FZD8: variants seen among roughly 807,000 people sequenced by gnomAD.
FZD8 encodes frizzled-8.
FZD8 carries 18 observed loss-of-function variants against 46.0 expected under a neutral mutation model. The ratio of observed to expected loss-of-function variants is 0.39; its 90% CI spans 0.27 to 0.58. The LOEUF is 0.58. Among genes scored for constraint, FZD8 ranks in the 20% least tolerant of loss-of-function variants. The pLI is 0.55. For missense variants in FZD8, 785 were observed against 983.4 expected (o/e 0.80, Z 2.70); for synonymous variants, 586 against 467.9 (o/e 1.25, Z -3.26).
Position 35,640,122 on chromosome 10 carries a change from G to A in FZD8, c.1308C>T (p.Gly436=). The change falls in exon 1 of 1, where the codon GGC becomes GGT. Residue 436 remains glycine (G), a synonymous_variant. Transcript: ENST00000374694. ...GMKWGNEAIA[G]YSQYFHLAAW... is the part of the protein sequence containing the mutation. ...CGGCCAGGTGGAAGTACTGCGAGTAGCCGGCGATGGCTTCGTTGCCCCACT... is the reference window on the plus strand; with the variant it reads ...CGGCCAGGTGGAAGTACTGCGAGTAACCGGCGATGGCTTCGTTGCCCCACT... 1 of 1,612,942 alleles carries A rather than the reference G, an allele frequency of 6.2e-7. No individual in the cohort carries two copies. Among genetic ancestry groups the A allele is most frequent in the Non-Finnish European group, 8.5e-7 (1 of 1,179,812 alleles).
chr10:35,640,154 C>G lies in FZD8; in HGVS notation c.1276G>C (p.Gly426Arg). Reference protein sequence around the residue: ...ILSLTWFLAAGMKWGNEAIAG... With the variant: ...ILSLTWFLAARMKWGNEAIAG... Reference sequence around the variant, plus strand: ...ATGGCTTCGTTGCCCCACTTCATACCGGCCGCCAGGAACCATGTGAGCGAC... The same window carrying G: ...ATGGCTTCGTTGCCCCACTTCATACGGGCCGCCAGGAACCATGTGAGCGAC... The change falls in exon 1 of 1, where the codon GGT (glycine) becomes CGT (arginine). Residue 426 changes from glycine to arginine, a missense_variant. Gly to Arg is a moderately radical substitution (Grantham distance 125). Transcript: ENST00000374694. The G allele has an allele frequency of 6.2e-7, 1 of 1,613,290 alleles. No homozygotes were observed. Among genetic ancestry groups the G allele is most frequent in the Non-Finnish European group, 8.5e-7 (1 of 1,179,862 alleles).
At position 35,640,056 on chromosome 10, in the gene FZD8, C is replaced by T. The variant is rs1835829122; in HGVS notation, c.1374G>A (p.Ala458=). Residue 458 remains alanine (A), a synonymous_variant, in exon 1 of 1, where the codon GCG becomes GCA. Transcript: ENST00000374694. The stretch of plus-strand genomic sequence containing the variant: ...CCGGGTCGCCGTCCACCGAGCTGAG[C>T]GCCAGCACCGCGATGGACTTGACGC... ...VPSVKSIAVL[A]LSSVDGDPVA... 1.2e-6 allele frequency: 2 copies of T among 1,610,536 alleles called. No individual in the cohort carries two copies. The highest frequency in any genetic ancestry group is 1.7e-6 in the Non-Finnish European group (2 of 1,179,602).
At position 35,641,386 on chromosome 10, in the gene FZD8, G is replaced by A. The variant is rs1473805767; in HGVS notation, c.44C>T (p.Ala15Val). Residue 15 changes from alanine (A) to valine (V), a missense_variant, in exon 1 of 1, where the codon GCC (alanine) becomes GTC (valine). By Grantham distance (64) the Ala-to-Val change is moderately conservative. Around this residue, in one of 5 missense-constraint regions of FZD8, gnomAD observed 354 missense variants for 433.2 expected, o/e 0.82. Transcript: ENST00000374694. The surrounding 1 kb of genome is among the most constrained non-coding windows in gnomAD (Gnocchi z 6.3). ...YLLEVTSLLA[A>V]LALLQRSSGA... ...GCTAGAGCGCTGCAGCAGCGCCAAG[G>A]CGGCCAGCAGCGAGGTCACTTCCAA... 6.2e-7 allele frequency: 1 copy of A among 1,612,394 alleles called. No homozygotes were observed. The highest frequency in any genetic ancestry group is 8.5e-7 in the Non-Finnish European group (1 of 1,179,600).
At position 35,640,977 on chromosome 10, in the gene FZD8, G is replaced by A. The variant is rs1216860327; in HGVS notation, c.453C>T (p.Tyr151=). 1 of 1,597,142 alleles carries A rather than the reference G, an allele frequency of 6.3e-7. No individual in the cohort carries two copies. Among genetic ancestry groups the A allele is most frequent in the Non-Finnish European group, 8.5e-7 (1 of 1,173,310 alleles). The change falls in exon 1 of 1, where the codon TAC becomes TAT. Residue 151 remains tyrosine (Y), a synonymous_variant. Coordinates refer to ENST00000374694, the MANE Select transcript of FZD8 (RefSeq NM_031866.3). The part of the protein sequence containing the change: ...QGNPDTLCMD[Y]NRTDLTTAAP... ...CGGCGGTGGTTAGGTCGGTGCGGTT[G>A]TAGTCCATGCACAGCGTGTCAGGGT...
rs1314420317 is a variant in FZD8, at chr10:35,638,400, G to C, written c.*945C>G. 2 of 116,496 alleles carry C rather than the reference G, an allele frequency of 1.7e-5. No individual in the cohort carries two copies. The highest frequency in any genetic ancestry group is 6.3e-5 in the African/African-American group (2 of 31,780). 7.2% of individuals were successfully genotyped at this position (116,496 alleles called of 1,614,324 possible). ...GCTCCCATGAAAAACACCGTCTTTGGGGAAGGTGCAAAAACTCAATTTTGA... is the reference window on the plus strand; with the variant it reads ...GCTCCCATGAAAAACACCGTCTTTGCGGAAGGTGCAAAAACTCAATTTTGA... On this transcript the variant is annotated 3_prime_UTR_variant, in exon 1 of 1. Transcript: ENST00000374694.
At position 35,639,341 on chromosome 10, in the gene FZD8, C is replaced by A. The variant is rs1235470608; in HGVS notation, c.*4G>T. The A allele has an allele frequency of 1.4e-6, 2 of 1,411,736 alleles. No homozygotes were observed. The highest frequency in any genetic ancestry group is 1.5e-5 in the African/African-American group (1 of 67,250). The allele number at this position is 1,411,736 out of a possible 1,614,324, so 87.5% of individuals were successfully genotyped here. A position where few individuals can be genotyped will look rare whatever the true frequency, so the allele number is the denominator to read the frequency against. On this transcript the variant is annotated 3_prime_UTR_variant, in exon 1 of 1. Coordinates refer to ENST00000374694, the MANE Select transcript of FZD8 (RefSeq NM_031866.3). ...ACCCCTCCTGGGCGCCCCCTCCCCT[C>A]CGCTCAGACCTGGGACAATGGCATC...
Position 35,638,905 on chromosome 10 carries a change from AC to A in FZD8, c.*439del, listed in dbSNP as rs1420506229. 6.6e-6 allele frequency: 1 copy of A among 152,648 alleles called. No homozygotes were observed. Among genetic ancestry groups the A allele is most frequent in the Non-Finnish European group, 1.5e-5 (1 of 68,028 alleles). The allele number at this position is 152,648 out of a possible 1,614,324, so 9.5% of individuals were successfully genotyped here. ...CGTGCAATCCCATCAGGTGGCGGTC[AC>A]CCCTCCTCCAGGGTAAGTCAGGGGT... On this transcript the variant is annotated 3_prime_UTR_variant, in exon 1 of 1. Transcript: ENST00000374694.
At position 35,640,306 on chromosome 10, in the gene FZD8, T is replaced by C; in HGVS notation, c.1124A>G (p.Glu375Gly). The C allele has an allele frequency of 1.4e-6, 2 of 1,434,214 alleles. No individual in the cohort carries two copies. The highest frequency in any genetic ancestry group is 1.8e-6 in the Non-Finnish European group (2 of 1,085,384). The allele number at this position is 1,434,214 out of a possible 1,614,324, so 88.8% of individuals were successfully genotyped here. Reference sequence around the variant, plus strand: ...CTCCACCGCGCCCAGCTCCTCGTACTCGCCGCGCCCGCCCGGGCCGCCCGC... The same window carrying C: ...CTCCACCGCGCCCAGCTCCTCGTACCCGCCGCGCCCGCCCGGGCCGCCCGC... The part of the protein sequence containing the change: ...AGAGGPGGRG[E>G]YEELGAVEQH... Residue 375 changes from glutamate (E) to glycine (G), a missense_variant, in exon 1 of 1, where the codon GAG becomes GGG. By Grantham distance (98) the Glu-to-Gly change is moderately conservative. Coordinates refer to ENST00000374694, the MANE Select transcript of FZD8 (RefSeq NM_031866.3).
rs919794951 is a variant in FZD8, at chr10:35,641,697, G to A, written c.-268C>T. 9.4e-5 allele frequency: 38 copies of A among 405,030 alleles called. No individual in the cohort carries two copies. The highest frequency in any genetic ancestry group is 1.3e-3 in the Middle Eastern group (2 of 1,530). The allele number at this position is 405,030 out of a possible 1,614,324, so 25.1% of individuals were successfully genotyped here. ...CGGCTGCAGGCGCGCGCCACAGTCC[G>A]TAGGTCCGCTCTGCTGGCCCCGGGT... On this transcript the variant is annotated 5_prime_UTR_variant, in exon 1 of 1. The change creates a new upstream start codon in the 5' untranslated region. Transcript: ENST00000374694. This position sits in a 1 kb window ranked among gnomAD's most constrained non-coding sequence, Gnocchi z 6.3.
At position 35,641,475 on chromosome 10, in the gene FZD8, G is replaced by A. The variant is rs941500936; in HGVS notation, c.-46C>T. ...GCCCTCGCCCTCCAGGCGGCGCGCA[G>A]AGGGGTGCCGGGGGGGGGGCCCACG... is the stretch of plus-strand genomic sequence containing the variant. On this transcript the variant is annotated 5_prime_UTR_variant, in exon 1 of 1. Coordinates refer to ENST00000374694, the MANE Select transcript of FZD8 (RefSeq NM_031866.3). This position sits in a 1 kb window ranked among gnomAD's most constrained non-coding sequence, Gnocchi z 6.3. The A allele has an allele frequency of 6.9e-7, 1 of 1,445,894 alleles. No individual in the cohort carries two copies. Among genetic ancestry groups the A allele is most frequent in the East Asian group, 2.5e-5 (1 of 40,266 alleles). The allele number at this position is 1,445,894 out of a possible 1,614,324, so 89.6% of individuals were successfully genotyped here.
At position 35,641,668 on chromosome 10, in the gene FZD8, A is replaced by C. The variant is rs1025074930; in HGVS notation, c.-239T>G. 4.2e-5 allele frequency: 21 copies of C among 505,744 alleles called. No individual in the cohort carries two copies. Among genetic ancestry groups the C allele is most frequent in the Non-Finnish European group, 6.2e-5 (18 of 289,770 alleles). The allele number at this position is 505,744 out of a possible 1,614,324, so 31.3% of individuals were successfully genotyped here. Reference sequence around the variant, plus strand: ...TCCTTTCCGCCGCTCCGGGGGTTTGAAGGCGGCTGCAGGCGCGCGCCACAG... The same window carrying C: ...TCCTTTCCGCCGCTCCGGGGGTTTGCAGGCGGCTGCAGGCGCGCGCCACAG... On this transcript the variant is annotated 5_prime_UTR_variant, in exon 1 of 1. Coordinates refer to ENST00000374694, the MANE Select transcript of FZD8 (RefSeq NM_031866.3). This position sits in a 1 kb window ranked among gnomAD's most constrained non-coding sequence, Gnocchi z 6.3.
In FZD8 at chr10:35,642,144, GCA is replaced by G. The variant is rs1835879034; in HGVS notation, c.-717_-716del. On this transcript the variant is annotated 5_prime_UTR_variant, in exon 1 of 1. Coordinates refer to ENST00000374694, the MANE Select transcript of FZD8 (RefSeq NM_031866.3). Reference sequence around the variant, plus strand: ...CGCTCCGGCCGCAGTCGGGCGAGGTGCACACAGTCTCCTTCCTGCTGGACACC... The same window carrying G: ...CGCTCCGGCCGCAGTCGGGCGAGGTGCACAGTCTCCTTCCTGCTGGACACC... 2.0e-5 allele frequency: 3 copies of G among 152,836 alleles called. No homozygotes were observed. In the South Asian group the frequency reaches 5.9e-4, roughly 30 times the overall value. 9.5% of individuals were successfully genotyped at this position (152,836 alleles called of 1,614,324 possible).
At position 35,641,029 on chromosome 10, in the gene FZD8, C is replaced by T. The variant is rs1376058430; in HGVS notation, c.401G>A (p.Arg134His). Residue 134 changes from arginine (R) to histidine (H), a missense_variant, in exon 1 of 1, where the codon CGC becomes CAC. Arg to His is a conservative substitution (Grantham distance 29). Transcript: ENST00000374694. The surrounding 1 kb of genome is among the most constrained non-coding windows in gnomAD (Gnocchi z 6.3). ...GCCTTGCTCGGGCAGCCGGTCGCAG[C>T]GCATGCGGTCGGGCCAGGCGAAGCC... ...QYGFAWPDRM[R>H]CDRLPEQGNP... 6.2e-7 allele frequency: 1 copy of T among 1,607,778 alleles called. No homozygotes were observed. Among genetic ancestry groups the T allele is most frequent in the Non-Finnish European group, 8.5e-7 (1 of 1,178,024 alleles).
At position 35,640,897 on chromosome 10, in the gene FZD8, G is replaced by C. The variant is rs934314494; in HGVS notation, c.533C>G (p.Ser178Trp). Residue 178 changes from serine to tryptophan, a missense_variant, in exon 1 of 1, where the codon TCG (serine) becomes TGG (tryptophan). By Grantham distance (177) the Ser-to-Trp change is radical (BLOSUM62 -3). Transcript: ENST00000374694. Reference protein sequence around the residue: ...PPPPPGEQPPSGSGHGRPPGA... With the variant: ...PPPPPGEQPPWGSGHGRPPGA... ...CGGCGGGCGGCCGTGGCCGCTGCCC[G>C]AAGGCGGCTGCTCGCCGGGCGGCGG... 3 of 1,110,196 alleles carry C rather than the reference G, an allele frequency of 2.7e-6. No individual in the cohort carries two copies. The African/African-American group carries it at 5.0e-5, about 19-fold the overall frequency. 68.8% of individuals were successfully genotyped at this position (1,110,196 alleles called of 1,614,324 possible).
At position 35,639,713 on chromosome 10, in the gene FZD8, G is replaced by A. The variant is rs762560233; in HGVS notation, c.1717C>T (p.Leu573=). Residue 573 remains leucine, a synonymous_variant, in exon 1 of 1, where the codon CTG becomes TTG. Coordinates refer to ENST00000374694, the MANE Select transcript of FZD8 (RefSeq NM_031866.3). ...ATHNCPCLRD[L]QPDQARRPDY... ...GGCCTGCGTGCCTGGTCGGGCTGCA[G>A]GTCCCGCAGGCACGGGCAGTTGTGC... The A allele has an allele frequency of 6.3e-7, 1 of 1,599,708 alleles. No homozygotes were observed. Among genetic ancestry groups the A allele is most frequent in the Non-Finnish European group, 8.5e-7 (1 of 1,179,716 alleles).
Position 35,640,497 on chromosome 10 carries a change from C to G in FZD8, c.933G>C (p.Arg311=). The G allele has an allele frequency of 6.3e-7, 1 of 1,583,594 alleles. No homozygotes were observed. The highest frequency in any genetic ancestry group is 8.6e-7 in the Non-Finnish European group (1 of 1,162,786). Residue 311 remains arginine (R), a synonymous_variant, in exon 1 of 1, where the codon CGG becomes CGC. Transcript: ENST00000374694. ...AGCAGGCCGAGAGGAAGATAATGGG[C>G]CGCTCCGGGTACTTGAAGCGCTCCA... is the stretch of plus-strand genomic sequence containing the variant. ...IDMERFKYPE[R]PIIFLSACYL...
rs1215970875 is a variant in FZD8 at position 35,640,784 on chromosome 10, C to A, written c.646G>T (p.Gly216Trp). The stretch of plus-strand genomic sequence containing the variant: ...CCGCCGCCAGGGGGCCGCGCCTTCC[C>A]GCCACCGCCGCCGCCGCGAGCTGGG... ...APPARGGGGG[G>W]KARPPGGGAA... The change falls in exon 1 of 1, where the codon GGG (glycine) becomes TGG (tryptophan). Residue 216 changes from glycine (G) to tryptophan (W), a missense_variant. This residue lies in a region of FZD8 where 354 missense variants were observed against 433.2 expected (regional missense o/e 0.82). Transcript: ENST00000374694. The A allele has an allele frequency of 4.4e-6, 5 of 1,129,832 alleles. No homozygotes were observed. Among genetic ancestry groups the A allele is most frequent in the African/African-American group, 1.7e-5 (1 of 60,266 alleles). 70.0% of individuals were successfully genotyped at this position (1,129,832 alleles called of 1,614,324 possible).
At position 35,640,140 on chromosome 10, in the gene FZD8, G is replaced by GC; in HGVS notation, c.1289dup (p.Asn431GlnfsTer290). 1 of 1,613,176 alleles carries GC rather than the reference G, an allele frequency of 6.2e-7. No homozygotes were observed. The highest frequency in any genetic ancestry group is 8.5e-7 in the Non-Finnish European group (1 of 1,179,830). ...GCGAGTAGCCGGCGATGGCTTCGTT[G>GC]CCCCACTTCATACCGGCCGCCAGGA... On this transcript the variant is annotated frameshift_variant, in exon 1 of 1. Transcript: ENST00000374694. LOFTEE classifies it high-confidence loss of function.
chr10:35,640,123 C>G lies in FZD8; in HGVS notation c.1307G>C (p.Gly436Ala), dbSNP rs763068366. 2 of 1,612,870 alleles carry G rather than the reference C, an allele frequency of 1.2e-6. No individual in the cohort carries two copies. Among genetic ancestry groups the G allele is most frequent in the Non-Finnish European group, 1.7e-6 (2 of 1,179,786 alleles). The change falls in exon 1 of 1, where the codon GGC (glycine) becomes GCC (alanine). Residue 436 changes from glycine to alanine, a missense_variant. Transcript: ENST00000374694. ...GGCCAGGTGGAAGTACTGCGAGTAGCCGGCGATGGCTTCGTTGCCCCACTT... is the reference window on the plus strand; with the variant it reads ...GGCCAGGTGGAAGTACTGCGAGTAGGCGGCGATGGCTTCGTTGCCCCACTT... ...GMKWGNEAIA[G>A]YSQYFHLAAW...
Sources: allele counts gnomAD v4.1 joint callset, GRCh38; gene constraint gnomAD v4.1.1; regional missense constraint gnomAD v4.1.1; non-coding constraint Gnocchi (gnomAD v3.1); transcripts MANE v1.5; gene names NCBI Gene and HGNC (gene_info 2026-07-23, HGNC 2026-07-21).